The following DLGAP2 variants were observed in gnomAD, a reference collection of about 807,000 sequenced individuals.
The protein encoded by DLGAP2 is disks large-associated protein 2.
In DLGAP2, 26 loss-of-function variants were observed where a neutral mutation model predicts 100.3. That is an observed-to-expected ratio of 0.26 (90% CI 0.19 to 0.36). The LOEUF is 0.36. DLGAP2 is among the 10% of genes least tolerant of loss of function. The probability of loss-of-function intolerance (pLI) is 1.00; values close to 1 mark genes in which losing one functional copy is unlikely to be tolerated. For missense variants in DLGAP2, 1,858 were observed against 1,453.2 expected (o/e 1.28, Z -4.53); for synonymous variants, 886 against 630.1 (o/e 1.41, Z -6.08).
At chr8:1,011,959 C>G (rs539546813) in intron 2 of DLGAP2, among the ~76,000 whole-genome samples, 1 of 152,184 alleles carries the variant, frequency 6.6e-6, no homozygotes, top group Non-Finnish European at 1.5e-5. Flanking sequence ...AGACGGATGT[C>G]TCGGCTCACT....
At chr8:1,233,644 A>G (rs1798583101) in intron 2 of DLGAP2, among the ~76,000 whole-genome samples, 1 of 152,168 alleles carries the variant, frequency 6.6e-6, no homozygotes, top group Non-Finnish European at 1.5e-5. Flanking sequence ...AAGACTTGCT[A>G]AGCTTCGTTT....
intron 6 of DLGAP2, among the ~76,000 whole-genome samples, chr8:1,624,785 C>A (rs895434860): frequency 1.2e-4 from 18 of 151,956 alleles, no homozygotes; most frequent in African/African-American, 4.4e-4. Flanking sequence ...GATGTGAAGA[C>A]TGTGTGCTTC....
intron 1 of DLGAP2, among the ~76,000 whole-genome samples, chr8:772,900 G>A (rs996998836): frequency 1.3e-5 from 2 of 152,174 alleles, no homozygotes; most frequent in African/African-American, 4.8e-5. Context: ...CCTCTGGGTG[G>A]TGGTGTTAGA....
chr8:751,334 T>C (rs565484531), intron 1 of DLGAP2, among the ~76,000 whole-genome samples: 8 of 150,462 alleles, frequency 5.3e-5, no homozygotes, highest in African/African-American at 1.9e-4. Flanking sequence ...AGCATTTTCC[T>C]GGATCTCCGG....
At chr8:970,476 T>A (rs751617989) in intron 2 of DLGAP2, among the ~76,000 whole-genome samples, 1 of 152,216 alleles carries the variant, frequency 6.6e-6, no homozygotes, top group Non-Finnish European at 1.5e-5. Flanking sequence ...TTATCATGAC[T>A]TTCCCTTGCC....
intron 6 of DLGAP2, among the ~76,000 whole-genome samples, chr8:1,604,018 G>A (rs11136416): frequency 0.41 from 62,678 of 151,858 alleles, 13,001 homozygotes; most frequent in Non-Finnish European, 0.43. Context: ...AGCCAGCTGC[G>A]GCCACACATT....
At chr8:1,127,050 A>G (rs921875395) in intron 2 of DLGAP2, among the ~76,000 whole-genome samples, 1 of 130,318 alleles carries the variant, frequency 7.7e-6, no homozygotes. Context: ...TAAACGGTCC[A>G]TCTGCTTGTG....
intron 3 of DLGAP2, among the ~76,000 whole-genome samples, chr8:1,497,651 G>A (rs892058652): frequency 3.3e-5 from 5 of 152,234 alleles, no homozygotes; most frequent in African/African-American, 1.2e-4. Context: ...TGCGGAAGAT[G>A]TAAGGAAGAA....
At position 1,701,079 on chromosome 8, in the gene DLGAP2, G is replaced by A. The variant is rs900913049; in HGVS notation, c.2950-109G>A. ...GGACGGGAGTGAAGGATGCGGCCCT[G>A]GGGGCTGCGGTCGGGAAGGGTCAGG... On this transcript the variant is annotated intron_variant, in intron 14 of 14. Transcript: ENST00000637795. 1.3e-5 allele frequency: 13 copies of A among 1,002,800 alleles called. No homozygotes were observed. In the South Asian group the frequency reaches 2.0e-4, roughly 16 times the overall value. The allele number at this position is 1,002,800 out of a possible 1,614,324, so 62.1% of individuals were successfully genotyped here.
chr8:1,685,464 G>A (rs1458711265), intron 12 of DLGAP2, among the ~76,000 whole-genome samples: 2 of 152,204 alleles, frequency 1.3e-5, no homozygotes, highest in Non-Finnish European at 2.9e-5. Context: ...CCTGGGAGAT[G>A]CAGGTCATAG....
intron 2 of DLGAP2, among the ~76,000 whole-genome samples, chr8:1,174,648 C>G (rs972144805): frequency 9.9e-5 from 15 of 151,672 alleles, no homozygotes; most frequent in African/African-American, 9.7e-5. Context: ...TCATCGTCGT[C>G]TTTACCATCA....
At chr8:1,100,786 T>A (rs940836479) in intron 2 of DLGAP2, among the ~76,000 whole-genome samples, 1 of 152,228 alleles carries the variant, frequency 6.6e-6, no homozygotes, top group African/African-American at 2.4e-5. Flanking sequence ...GAGGGGCTGC[T>A]GAGAAACCGT....
intron 2 of DLGAP2, among the ~76,000 whole-genome samples, chr8:972,611 T>TTTTTCTTTTTTC (rs1383313343): frequency 6.6e-6 from 1 of 151,084 alleles, no homozygotes; most frequent in Non-Finnish European, 1.5e-5. Flanking sequence ...TTTTTGTATT[T>TTTTTCTTTTTTC]TTTTCTTATT....
At chr8:998,001 A>G (rs1350773201) in intron 2 of DLGAP2, among the ~76,000 whole-genome samples, 3 of 150,132 alleles carry the variant, frequency 2.0e-5, no homozygotes, top group South Asian at 2.1e-4. Context: ...GTGCACACAA[A>G]CATGCATAGA....
rs753200264 is a variant in DLGAP2 at position 1,691,565 on chromosome 8, G to C, written c.2735G>C (p.Ser912Thr). The stretch of plus-strand genomic sequence containing the variant: ...GGTAAAATCAGGAGTGCTGTTGGGA[G>C]TGCCCAGCTTCTCATGTCCCAGAAA... ...ILGKIRSAVG[S>T]AQLLMSQKFQ... Residue 912 changes from serine (S) to threonine (T), a missense_variant, in exon 13 of 15, where the codon AGT becomes ACT. By Grantham distance (58) the Ser-to-Thr change is moderately conservative. Transcript: ENST00000637795. 1 of 1,613,996 alleles carries C rather than the reference G, an allele frequency of 6.2e-7. No individual in the cohort carries two copies. Among genetic ancestry groups the C allele is most frequent in the Non-Finnish European group, 8.5e-7 (1 of 1,180,008 alleles).
chr8:1,610,819 CT>C (rs201945613), intron 6 of DLGAP2, among the ~76,000 whole-genome samples: 46,128 of 146,032 alleles, frequency 0.32, 9,121 homozygotes, highest in African/African-American at 0.55. Flanking sequence ...GACACATACA[CT>C]GTCCCAAGAC....
At chr8:807,102 A>G (rs924975219) in intron 1 of DLGAP2, among the ~76,000 whole-genome samples, 1 of 152,318 alleles carries the variant, frequency 6.6e-6, no homozygotes, top group South Asian at 2.1e-4. Flanking sequence ...GCACTTCTGT[A>G]TTTAGGGTTT....
intron 2 of DLGAP2, among the ~76,000 whole-genome samples, chr8:1,240,535 G>GTT (rs1231401684): frequency 2.0e-5 from 3 of 148,230 alleles, no homozygotes; most frequent in African/African-American, 7.5e-5. Flanking sequence ...ACCGTGTCTA[G>GTT]TTCTCTCACA....
intron 3 of DLGAP2, among the ~76,000 whole-genome samples, chr8:1,376,349 C>G (rs1032654326): frequency 2.6e-5 from 4 of 152,254 alleles, no homozygotes; most frequent in African/African-American, 9.6e-5. Flanking sequence ...ACCGCAGTCC[C>G]TCTAGAGAGC....
Sources: allele counts gnomAD v4.1 joint callset (sites outside exome capture counted in the v4.1 genomes callset), GRCh38; gene constraint gnomAD v4.1.1; transcripts MANE v1.5; gene names NCBI Gene and HGNC (gene_info 2026-07-23, HGNC 2026-07-21).